PTPRN2: variants seen among roughly 807,000 people sequenced by gnomAD.
The protein encoded by PTPRN2 is receptor-type tyrosine-protein phosphatase N2.
In PTPRN2, 74 loss-of-function variants were observed where a neutral mutation model predicts 118.8. The observed-to-expected ratio is 0.62, with a 90% CI of 0.52 to 0.76. The LOEUF (loss-of-function observed/expected upper bound fraction) is 0.76, where lower values mean the gene tolerates loss of function less well. PTPRN2 is among the 30% of genes least tolerant of loss of function. The pLI is 0.00. For missense variants in PTPRN2, 1,481 were observed against 1,394.4 expected, an observed-to-expected ratio of 1.06 and a Z score of -0.99; for synonymous variants, 641 against 608.0, an observed-to-expected ratio of 1.05 and a Z score of -0.80.
At chr7:157,709,956 A>T (rs1393832195) in intron 12 of PTPRN2, among the ~76,000 whole-genome samples, 1 of 152,210 alleles carries the variant, frequency 6.6e-6, no homozygotes, top group Non-Finnish European at 1.5e-5. Flanking sequence ...TCCCTCACTT[A>T]GCCCTCAGCT....
chr7:158,004,310 A>G (rs528785178), intron 11 of PTPRN2, among the ~76,000 whole-genome samples: 6 of 152,180 alleles, frequency 3.9e-5, no homozygotes, highest in Non-Finnish European at 8.8e-5. Flanking sequence ...GCTACCCTCA[A>G]TGGCACCCGA....
At chr7:158,407,676 G>C (rs62478434) in intron 2 of PTPRN2, among the ~76,000 whole-genome samples, 33,590 of 84,984 alleles carry the variant, frequency 0.4, 11,890 homozygotes, top group East Asian at 0.79. Flanking sequence ...CTGCGTCCTG[G>C]GTCCTGGGTC....
chr7:158,216,086 G>A lies in PTPRN2; in HGVS notation c.278-10813C>T, dbSNP rs559717006. Among the ~76,000 whole-genome samples, 4 of 152,054 alleles carry A rather than the reference G, an allele frequency of 2.6e-5. No individual in the cohort carries two copies. In the South Asian group the frequency reaches 8.3e-4, roughly 32 times the overall value. Reference sequence around the variant, plus strand: ...TAAACAATTATAATATAAATGAGGGGCATAAGTAAAATGTCATAAAGGAAG... The same window carrying A: ...TAAACAATTATAATATAAATGAGGGACATAAGTAAAATGTCATAAAGGAAG... On this transcript the variant is annotated intron_variant, in intron 3 of 22. Transcript: ENST00000389418.
At chr7:157,871,876 C>T (rs965838030) in intron 12 of PTPRN2, among the ~76,000 whole-genome samples, 10 of 151,810 alleles carry the variant, frequency 6.6e-5, no homozygotes, top group African/African-American at 1.9e-4. Flanking sequence ...GATGTGGCCA[C>T]GCATACCCAG....
chr7:157,649,994 G>A (rs900871668), intron 14 of PTPRN2, among the ~76,000 whole-genome samples: 3 of 151,184 alleles, frequency 2.0e-5, no homozygotes, highest in South Asian at 2.1e-4. Context: ...TCGGTGGGTC[G>A]GACCCATTCA....
chr7:158,547,599 A>G (rs894416296), intron 1 of PTPRN2, among the ~76,000 whole-genome samples: 28 of 152,218 alleles, frequency 1.8e-4, no homozygotes, highest in African/African-American at 6.8e-4. Context: ...TCTGGCTTCA[A>G]GGGAAAGGGG....
intron 11 of PTPRN2, among the ~76,000 whole-genome samples, chr7:158,046,467 A>G (rs556407494): frequency 1.3e-5 from 2 of 151,682 alleles, no homozygotes; most frequent in South Asian, 2.1e-4. Context: ...GCATCCTGAC[A>G]CTGCAATCCT....
intron 3 of PTPRN2, among the ~76,000 whole-genome samples, chr7:158,234,039 A>G (rs977367703): frequency 6.6e-6 from 1 of 152,236 alleles, no homozygotes; most frequent in Non-Finnish European, 1.5e-5. Context: ...CACTAAGGAA[A>G]CACTCCAGGA....
intron 11 of PTPRN2, among the ~76,000 whole-genome samples, chr7:158,064,454 G>A (rs1373820418): frequency 1.3e-5 from 2 of 152,142 alleles, no homozygotes; most frequent in African/African-American, 2.4e-5. Flanking sequence ...ACAGCCATGG[G>A]GGAGCCGGGG....
chr7:158,418,961 C>T (rs923945067), intron 2 of PTPRN2, among the ~76,000 whole-genome samples: 31 of 152,214 alleles, frequency 2.0e-4, no homozygotes, highest in African/African-American at 2.4e-5. Flanking sequence ...GAGTTTGTAA[C>T]GTTTTCACAA....
At position 157,903,111 on chromosome 7, in the gene PTPRN2, ACAT is replaced by A. The variant is rs1797562992; in HGVS notation, c.1724-4377_1724-4375del. Reference sequence around the variant, plus strand: ...ACTCTCACACGGAAGCAGGAACCAGACATCATCAGAGAGCCACACGCTGCCACA... The same window carrying A: ...ACTCTCACACGGAAGCAGGAACCAGACATCAGAGAGCCACACGCTGCCACA... On this transcript the variant is annotated intron_variant, in intron 11 of 22. Coordinates refer to ENST00000389418, the MANE Select transcript of PTPRN2 (RefSeq NM_002847.5). This position sits in a 1 kb window ranked among gnomAD's most constrained non-coding sequence, Gnocchi z 4.2. Among the ~76,000 whole-genome samples, 1 of 152,120 alleles carries A rather than the reference ACAT, an allele frequency of 6.6e-6. No homozygotes were observed. Among genetic ancestry groups the A allele is most frequent in the Admixed American group, 6.5e-5 (1 of 15,268 alleles).
chr7:158,336,749 C>G (rs1247169455), intron 2 of PTPRN2, among the ~76,000 whole-genome samples: 36 of 88,628 alleles, frequency 4.1e-4, no homozygotes, highest in Non-Finnish European at 7.2e-4. Context: ...AGACGTCACT[C>G]ACACCCACAG....
At chr7:157,563,535 G>A (rs1799323179) in intron 21 of PTPRN2, among the ~76,000 whole-genome samples, 1 of 117,806 alleles carries the variant, frequency 8.5e-6, no homozygotes, top group Non-Finnish European at 1.7e-5. Context: ...AGCAGATCAG[G>A]ACCACGTGCT....
Position 158,242,182 on chromosome 7 carries a change from G to A in PTPRN2, c.278-36909C>T, listed in dbSNP as rs1192284637. On this transcript the variant is annotated intron_variant, in intron 3 of 22. Coordinates refer to ENST00000389418, the MANE Select transcript of PTPRN2 (RefSeq NM_002847.5). ...AAAGGAGCTGAACCTAAAGTTTCCAGTACAACCTCCTCCCCGCCCCGTCCT... is the reference window on the plus strand; with the variant it reads ...AAAGGAGCTGAACCTAAAGTTTCCAATACAACCTCCTCCCCGCCCCGTCCT... Among the ~76,000 whole-genome samples the A allele has an allele frequency of 2.0e-5, 3 of 152,120 alleles. No individual in the cohort carries two copies. In the South Asian group the frequency reaches 6.2e-4, roughly 32 times the overall value.
intron 11 of PTPRN2, among the ~76,000 whole-genome samples, chr7:157,915,704 G>A (rs532951178): frequency 8.5e-5 from 13 of 152,270 alleles, no homozygotes; most frequent in Middle Eastern, 3.4e-3. Flanking sequence ...CCGGTGTGGA[G>A]AAGATTCTCA....
At chr7:157,988,413 C>T (rs1040831105) in intron 11 of PTPRN2, among the ~76,000 whole-genome samples, 1 of 152,200 alleles carries the variant, frequency 6.6e-6, no homozygotes, top group Non-Finnish European at 1.5e-5. Flanking sequence ...AACTGAACCT[C>T]CAGAGCAGAG....
At position 158,166,972 on chromosome 7, in the gene PTPRN2, G is replaced by A; in HGVS notation, c.869C>T (p.Ser290Leu). Residue 290 changes from serine to leucine, a missense_variant, in exon 6 of 23, where the codon TCA (serine) becomes TTA (leucine). Physicochemically the swap from Ser to Leu is moderately radical, Grantham distance 145. Around this residue, in one of 3 missense-constraint regions of PTPRN2, gnomAD observed 1,115 missense variants for 994.2 expected, o/e 1.12. Coordinates refer to ENST00000389418, the MANE Select transcript of PTPRN2 (RefSeq NM_002847.5). ...GGGGTCTTCGGAATCTCCCAGAGGTGAAGGCCACTTCTGGGGGGCGGCTGG... is the reference window on the plus strand; with the variant it reads ...GGGGTCTTCGGAATCTCCCAGAGGTAAAGGCCACTTCTGGGGGGCGGCTGG... Reference protein sequence around the residue: ...LAPAAPQKWPSPLGDSEDPSS... With the variant: ...LAPAAPQKWPLPLGDSEDPSS... The A allele has an allele frequency of 6.9e-7, 1 of 1,454,442 alleles. No homozygotes were observed. The highest frequency in any genetic ancestry group is 9.1e-7 in the Non-Finnish European group (1 of 1,099,144). The allele number at this position is 1,454,442 out of a possible 1,614,324, so 90.1% of individuals were successfully genotyped here. A position where few individuals can be genotyped will look rare whatever the true frequency, so the allele number is the denominator to read the frequency against.
In PTPRN2 at chr7:158,477,121, T is replaced by C. The variant is rs556736271; in HGVS notation, c.163+12614A>G. On this transcript the variant is annotated intron_variant, in intron 2 of 22. Coordinates refer to ENST00000389418, the MANE Select transcript of PTPRN2 (RefSeq NM_002847.5). ...TGAGACTGCCAGTCACACGGAGTGA[T>C]GCGGTCTCGTGTCTCACAGCTGTGG... Among the ~76,000 whole-genome samples the C allele has an allele frequency of 1.4e-4, 21 of 152,364 alleles. No individual in the cohort carries two copies. In the South Asian group the frequency reaches 2.5e-3, roughly 18 times the overall value.
intron 2 of PTPRN2, among the ~76,000 whole-genome samples, chr7:158,386,556 G>A (rs1239316990): frequency 1.3e-5 from 2 of 152,172 alleles, no homozygotes. Context: ...TATAGCTATG[G>A]ATGGGTGCAG....
Sources: allele counts gnomAD v4.1 joint callset (sites outside exome capture counted in the v4.1 genomes callset), GRCh38; gene constraint gnomAD v4.1.1; regional missense constraint gnomAD v4.1.1; non-coding constraint Gnocchi (gnomAD v3.1); transcripts MANE v1.5; gene names NCBI Gene and HGNC (gene_info 2026-07-23, HGNC 2026-07-21).